STIMATE: variants seen among roughly 807,000 people sequenced by gnomAD.
STIMATE encodes store-operated calcium entry regulator STIMATE.
A neutral mutation model predicts 36.7 loss-of-function variants in STIMATE; 15 were observed. The ratio of observed to expected loss-of-function variants is 0.41; its 90% CI spans 0.27 to 0.63. The LOEUF is 0.63. Among genes scored for constraint, STIMATE ranks in the 20% least tolerant of loss-of-function variants. The probability of loss-of-function intolerance (pLI) is 0.32; values close to 1 mark genes in which losing one functional copy is unlikely to be tolerated. For synonymous variants in STIMATE, 163 were observed against 162.3 expected, an observed-to-expected ratio of 1.00 and a Z score of -0.03; for missense variants, 305 against 397.3, an observed-to-expected ratio of 0.77 and a Z score of 1.98.
chr3:52,847,681 C>G, intron 4 of STIMATE: 1 of 622,902 alleles, frequency 1.6e-6, no homozygotes, highest in Admixed American at 2.5e-5. Flanking sequence ...AACAGCCCCA[C>G]ACAGTTGCCT....
chr3:52,855,191 CA>C (rs1456272930), intron 2 of STIMATE, among the ~76,000 whole-genome samples: 1 of 152,124 alleles, frequency 6.6e-6, no homozygotes, highest in Non-Finnish European at 1.5e-5. Context: ...AAGGTAGGAT[CA>C]AAAGTTACCT....
chr3:52,885,538 C>T (rs1701676639), intron 1 of STIMATE, among the ~76,000 whole-genome samples: 1 of 152,194 alleles, frequency 6.6e-6, no homozygotes, highest in South Asian at 2.1e-4. Context: ...AATGTCTCTC[C>T]GTCCTGGACG....
chr3:52,851,800 A>G (rs1282192966), intron 3 of STIMATE, among the ~76,000 whole-genome samples: 1 of 141,472 alleles, frequency 7.1e-6, no homozygotes, highest in Non-Finnish European at 1.5e-5. Context: ...AGAAAGTTCT[A>G]TGTTCCATCC....
chr3:52,871,948 T>A (rs1471909274), intron 1 of STIMATE, among the ~76,000 whole-genome samples: 1 of 152,130 alleles, frequency 6.6e-6, no homozygotes. Context: ...CTTCTCTTGA[T>A]GCGGCACCCA....
intron 1 of STIMATE, among the ~76,000 whole-genome samples, chr3:52,880,706 C>T (rs2106718345): frequency 6.6e-6 from 1 of 152,288 alleles, no homozygotes; most frequent in South Asian, 2.1e-4. Flanking sequence ...CAAAGCCACA[C>T]AACTGAGAAG....
intron 1 of STIMATE, among the ~76,000 whole-genome samples, chr3:52,886,678 A>G (rs1315653190): frequency 2.0e-5 from 3 of 152,224 alleles, no homozygotes; most frequent in African/African-American, 7.2e-5. Context: ...TCTTATATTT[A>G]CATTGTTTCA....
chr3:52,860,071 T>C (rs1229587645), intron 1 of STIMATE, among the ~76,000 whole-genome samples: 1 of 110,310 alleles, frequency 9.1e-6, no homozygotes, highest in Non-Finnish European at 1.9e-5. Flanking sequence ...TTTTTTTTTT[T>C]AAAGGAAGAG....
intron 1 of STIMATE, among the ~76,000 whole-genome samples, chr3:52,894,826 C>T (rs1248977683): frequency 1.3e-5 from 2 of 152,198 alleles, no homozygotes; most frequent in Non-Finnish European, 2.9e-5. Flanking sequence ...GCCACGGGTA[C>T]TCAGAAGGGA....
At chr3:52,891,484 C>T (rs529635424) in intron 1 of STIMATE, among the ~76,000 whole-genome samples, 24 of 152,206 alleles carry the variant, frequency 1.6e-4, no homozygotes, top group Non-Finnish European at 3.5e-4. Context: ...GCAGGTTCAT[C>T]ACCTGGAAGT....
chr3:52,882,898 G>A (rs1248000545), intron 1 of STIMATE, among the ~76,000 whole-genome samples: 3 of 152,150 alleles, frequency 2.0e-5, no homozygotes, highest in Non-Finnish European at 4.4e-5. Context: ...AACAGGGGAC[G>A]CCGAGAGCAC....
At chr3:52,868,724 G>A (rs937785446) in intron 1 of STIMATE, among the ~76,000 whole-genome samples, 5 of 152,200 alleles carry the variant, frequency 3.3e-5, no homozygotes, top group South Asian at 2.1e-4. Context: ...CTGGGTTCAC[G>A]TGATTCTCCT....
chr3:52,895,242 G>C (rs573509892), intron 1 of STIMATE, among the ~76,000 whole-genome samples: 9 of 152,340 alleles, frequency 5.9e-5, no homozygotes, highest in African/African-American at 2.2e-4. Flanking sequence ...TGAGAGATAA[G>C]AAGGGCCCCA....
intron 1 of STIMATE, among the ~76,000 whole-genome samples, chr3:52,866,662 G>A (rs1382801488): frequency 3.9e-5 from 6 of 152,186 alleles, no homozygotes; most frequent in African/African-American, 1.4e-4. Context: ...CTCTCACTTG[G>A]CATGTGGAGG....
chr3:52,845,068 C>T (rs1310079000), intron 4 of STIMATE, 127 bp from the exon 5 acceptor site: 6 of 846,194 alleles, frequency 7.1e-6, no homozygotes, highest in South Asian at 4.8e-5. Context: ...CTTAATGAGC[C>T]CCCCCAAAAG....
At chr3:52,857,554 G>C (rs7630552) in intron 1 of STIMATE, among the ~76,000 whole-genome samples, 78,836 of 151,846 alleles carry the variant, frequency 0.52, 21,692 homozygotes, top group East Asian at 0.62. Flanking sequence ...TAAAATAAAG[G>C]ACATCAAATA....
At chr3:52,861,332 C>T (rs184918742) in intron 1 of STIMATE, among the ~76,000 whole-genome samples, 1 of 152,322 alleles carries the variant, frequency 6.6e-6, no homozygotes, top group East Asian at 1.9e-4. Flanking sequence ...CATTCCATTG[C>T]TTCTGTGATG....
At chr3:52,864,477 G>T (rs922531951) in intron 1 of STIMATE, among the ~76,000 whole-genome samples, 4 of 152,198 alleles carry the variant, frequency 2.6e-5, no homozygotes, top group African/African-American at 9.7e-5. Context: ...GATGGGAGGT[G>T]CTGCTGTGAA....
intron 1 of STIMATE, chr3:52,895,746 G>C: frequency 2.1e-6 from 1 of 479,222 alleles, no homozygotes; most frequent in Non-Finnish European, 3.4e-6. Flanking sequence ...CAAACCTATG[G>C]AAACAGCCAG....
At chr3:52,897,180 G>T in intron 1 of STIMATE, 111 bp downstream of exon 1, 1 of 1,377,004 alleles carries the variant, frequency 7.3e-7, no homozygotes, top group South Asian at 1.4e-5. Flanking sequence ...TGCGGGGGAG[G>T]AGCAATTCGG....
Sources: allele counts gnomAD v4.1 joint callset (sites outside exome capture counted in the v4.1 genomes callset), GRCh38; gene constraint gnomAD v4.1.1; transcripts MANE v1.5; gene names NCBI Gene and HGNC (gene_info 2026-07-23, HGNC 2026-07-21).